ADCY2: variants seen among roughly 807,000 people sequenced by gnomAD.
The protein encoded by ADCY2 is adenylate cyclase type 2.
In ADCY2, 31 loss-of-function variants were observed where a neutral mutation model predicts 125.2. The observed-to-expected ratio is 0.25, with a 90% CI of 0.19 to 0.33. ADCY2 has a LOEUF of 0.33. Ranked by LOEUF, ADCY2 falls within the 10% of genes least tolerant of loss-of-function variation. The pLI, the probability that ADCY2 is intolerant of heterozygous loss-of-function variation, is 1.00. For synonymous variants in ADCY2, 512 were observed against 548.4 expected (o/e 0.93, Z 0.93); for missense variants, 904 against 1,418.2 (o/e 0.64, Z 5.82).
chr5:7,720,297 T>G (rs2126383850), intron 12 of ADCY2, among the ~76,000 whole-genome samples: 1 of 152,340 alleles, frequency 6.6e-6, no homozygotes, highest in African/African-American at 2.4e-5. Context: ...ATCAATCTCC[T>G]TGTTTTCTAT....
intron 2 of ADCY2, among the ~76,000 whole-genome samples, chr5:7,478,661 A>G (rs1014524853): frequency 6.6e-6 from 1 of 152,224 alleles, no homozygotes; most frequent in Non-Finnish European, 1.5e-5. Flanking sequence ...GTACAGGATT[A>G]CTAAACTCAA....
chr5:7,479,637 T>G (rs1300838669), intron 2 of ADCY2, among the ~76,000 whole-genome samples: 2 of 152,102 alleles, frequency 1.3e-5, no homozygotes, highest in African/African-American at 2.4e-5. Flanking sequence ...ATTAAAATTT[T>G]TTTTTTTTAC....
chr5:7,495,313 C>T (rs1743307475), intron 2 of ADCY2, among the ~76,000 whole-genome samples: 1 of 152,174 alleles, frequency 6.6e-6, no homozygotes, highest in Admixed American at 6.5e-5. Flanking sequence ...ACGCCTGTAT[C>T]TCTGTGTCAG....
chr5:7,624,179 T>A (rs1738046764), intron 3 of ADCY2, among the ~76,000 whole-genome samples: 1 of 152,214 alleles, frequency 6.6e-6, no homozygotes, highest in Non-Finnish European at 1.5e-5. Flanking sequence ...TCCTCTTTTT[T>A]CTCTGTATCC....
chr5:7,803,987 G>T (rs539206653), intron 21 of ADCY2, among the ~76,000 whole-genome samples: 41 of 143,310 alleles, frequency 2.9e-4, no homozygotes, highest in African/African-American at 9.4e-4. Context: ...CTCCTCTTCT[G>T]TCCTGCAAAC....
At chr5:7,426,700 G>C (rs1740400219) in intron 2 of ADCY2, among the ~76,000 whole-genome samples, 1 of 152,154 alleles carries the variant, frequency 6.6e-6, no homozygotes, top group Non-Finnish European at 1.5e-5. Flanking sequence ...AGCACCATAA[G>C]CATGCAGATG....
chr5:7,809,839 G>A (rs559370996), intron 22 of ADCY2, among the ~76,000 whole-genome samples: 1 of 152,232 alleles, frequency 6.6e-6, no homozygotes, highest in Non-Finnish European at 1.5e-5. Flanking sequence ...AGTCAACAAT[G>A]TGGCTAAATG....
At chr5:7,404,872 C>G (rs1739413494) in intron 1 of ADCY2, among the ~76,000 whole-genome samples, 1 of 152,184 alleles carries the variant, frequency 6.6e-6, no homozygotes, top group African/African-American at 2.4e-5. Context: ...GGTGGTCATG[C>G]TGGCTTGCAA....
At chr5:7,558,517 A>G (rs1488126584) in intron 3 of ADCY2, among the ~76,000 whole-genome samples, 1 of 152,104 alleles carries the variant, frequency 6.6e-6, no homozygotes, top group Non-Finnish European at 1.5e-5. Context: ...TCCTTTGCCC[A>G]CTTTTTAATG....
At chr5:7,681,155 T>C (rs1740317371) in intron 4 of ADCY2, among the ~76,000 whole-genome samples, 1 of 152,234 alleles carries the variant, frequency 6.6e-6, no homozygotes, top group South Asian at 2.1e-4. Context: ...GCATCTTTAA[T>C]CCTTATCTGA....
intron 2 of ADCY2, among the ~76,000 whole-genome samples, chr5:7,459,151 G>A (rs1257424772): frequency 1.3e-5 from 2 of 152,282 alleles, no homozygotes; most frequent in East Asian, 3.9e-4. Context: ...TTCCTTGGGG[G>A]ATGACCACAG....
At chr5:7,567,316 T>C (rs1735924452) in intron 3 of ADCY2, among the ~76,000 whole-genome samples, 1 of 152,198 alleles carries the variant, frequency 6.6e-6, no homozygotes, top group Non-Finnish European at 1.5e-5. Flanking sequence ...CTCTGGTTTC[T>C]GTTGATCCAA....
intron 3 of ADCY2, among the ~76,000 whole-genome samples, chr5:7,549,628 C>T (rs1336273363): frequency 1.3e-5 from 2 of 152,144 alleles, no homozygotes; most frequent in African/African-American, 4.8e-5. Context: ...GAGTTCTCTC[C>T]CTGTGATTAT....
chr5:7,694,354 G>A (rs1359513215), intron 5 of ADCY2, among the ~76,000 whole-genome samples: 2 of 152,060 alleles, frequency 1.3e-5, no homozygotes, highest in African/African-American at 4.8e-5. Context: ...CACTTACATT[G>A]TTCTACAACC....
At chr5:7,730,549 G>C (rs74786889) in intron 14 of ADCY2, among the ~76,000 whole-genome samples, 3 of 152,018 alleles carry the variant, frequency 2.0e-5, no homozygotes, top group Non-Finnish European at 4.4e-5. Flanking sequence ...TGATTTGTTA[G>C]GGTTTTTGGA....
chr5:7,492,241 G>A (rs1743189360), intron 2 of ADCY2, among the ~76,000 whole-genome samples: 1 of 152,216 alleles, frequency 6.6e-6, no homozygotes, highest in South Asian at 2.1e-4. Context: ...GCGTATGTTG[G>A]TCAGTGACAT....
intron 18 of ADCY2, among the ~76,000 whole-genome samples, chr5:7,784,010 G>A (rs997640963): frequency 6.6e-6 from 1 of 152,166 alleles, no homozygotes; most frequent in African/African-American, 2.4e-5. Flanking sequence ...CAAGCATACT[G>A]TCTCTTTCCG....
At chr5:7,400,071 C>T (rs1012834446) in intron 1 of ADCY2, among the ~76,000 whole-genome samples, 1 of 151,912 alleles carries the variant, frequency 6.6e-6, no homozygotes, top group African/African-American at 2.4e-5. Flanking sequence ...TCAAAATTTG[C>T]CTGTCAGTGT....
rs983362879 is a variant in ADCY2, at chr5:7,816,287, G to A, written c.2884-579G>A. ...AGTGCAGAGACAGTAGCTGCCACCC[G>A]GGGCAGTAGCCCTTGTCCTCCGTGA... On this transcript the variant is annotated intron_variant, in intron 22 of 24. Transcript: ENST00000338316. 2.0e-4 allele frequency among the ~76,000 whole-genome samples: 31 copies of A among 152,316 alleles called. 1 individual carries two copies. The highest frequency in any genetic ancestry group is 1.7e-3 in the Admixed American group (26 of 15,304).
Sources: allele counts gnomAD v4.1 joint callset (sites outside exome capture counted in the v4.1 genomes callset), GRCh38; gene constraint gnomAD v4.1.1; transcripts MANE v1.5; gene names NCBI Gene and HGNC (gene_info 2026-07-23, HGNC 2026-07-21).